Variants in KMT2C observed in about 807,000 individuals in gnomAD.
The protein encoded by KMT2C is lysine methyltransferase 2C.
KMT2C carries 88 observed loss-of-function variants against 507.9 expected under a neutral mutation model. The observed-to-expected ratio is 0.17, with a 90% CI of 0.15 to 0.21. The LOEUF is 0.21. Ranked by LOEUF, KMT2C falls within the 10% of genes least tolerant of loss-of-function variation. The pLI, the probability that KMT2C is intolerant of heterozygous loss-of-function variation, is 1.00. For synonymous variants in KMT2C, 2,049 were observed against 2,080.8 expected, an observed-to-expected ratio of 0.98 and a Z score of 0.42; for missense variants, 4,954 against 5,957.8, an observed-to-expected ratio of 0.83 and a Z score of 5.55.
At chr7:152,322,805 G>A (rs2096784234) in intron 3 of KMT2C, among the ~76,000 whole-genome samples, 1 of 151,870 alleles carries the variant, frequency 6.6e-6, no homozygotes, top group African/African-American at 2.4e-5. Context: ...AAATATATAT[G>A]GAACCCAAAT....
Position 152,181,099 on chromosome 7 carries a change from G to A in KMT2C, c.6761C>T (p.Ala2254Val). The A allele has an allele frequency of 6.2e-7, 1 of 1,614,188 alleles. No individual in the cohort carries two copies. ...AGGTAAAGCTGGTCCTCGGTTTTGT[G>A]CTGCTTGCAGGAAAGGATCCTGATT... The part of the protein sequence containing the change: ...MPNQDPFLQA[A>V]QNRGPALPGP... Residue 2254 changes from alanine (A) to valine (V), a missense_variant, in exon 36 of 59, where the codon GCA (alanine) becomes GTA (valine). By Grantham distance (64) the Ala-to-Val change is moderately conservative. This residue lies in a region of KMT2C where 1,689 missense variants were observed against 1,654.3 expected (regional missense o/e 1.02). Coordinates refer to ENST00000262189, the MANE Select transcript of KMT2C (RefSeq NM_170606.3).
intron 1 of KMT2C, among the ~76,000 whole-genome samples, chr7:152,413,937 C>G (rs959946043): frequency 6.6e-6 from 1 of 150,636 alleles, no homozygotes; most frequent in Admixed American, 6.6e-5. Context: ...TGAGGCCAGA[C>G]GCGATGGCTC....
Position 152,330,737 on chromosome 7 carries a change from T to C in KMT2C, c.253A>G (p.Ile85Val), listed in dbSNP as rs773944352. Reference sequence around the variant, plus strand: ...TCCTCTTCTGCAGATTGTTCTTTGATTTCTGCTTAACAGTAAACAAGAGAA... The same window carrying C: ...TCCTCTTCTGCAGATTGTTCTTTGACTTCTGCTTAACAGTAAACAAGAGAA... ...TETETIVETE[I>V]KEQSAEEDAE... Residue 85 changes from isoleucine (I) to valine (V), a missense_variant and splice_region_variant, in exon 3 of 59, where the codon ATC (isoleucine) becomes GTC (valine). Physicochemically the swap from Ile to Val is conservative, Grantham distance 29. Coordinates refer to ENST00000262189, the MANE Select transcript of KMT2C (RefSeq NM_170606.3). 2.5e-6 allele frequency: 4 copies of C among 1,613,778 alleles called. No homozygotes were observed. The highest frequency in any genetic ancestry group is 3.4e-6 in the Non-Finnish European group (4 of 1,179,894).
At chr7:152,197,153 A>C (rs1469076452) in intron 27 of KMT2C, among the ~76,000 whole-genome samples, 1 of 152,154 alleles carries the variant, frequency 6.6e-6, no homozygotes, top group African/African-American at 2.4e-5. Context: ...TGAGGTGATG[A>C]CAGCACCAGG....
At chr7:152,427,225 A>G (rs2097827654) in intron 1 of KMT2C, among the ~76,000 whole-genome samples, 1 of 152,226 alleles carries the variant, frequency 6.6e-6, no homozygotes, top group Non-Finnish European at 1.5e-5. Context: ...CATCTTGGCC[A>G]GGCTGGTCTT....
intron 3 of KMT2C, 77 bp from the exon 4 acceptor site, chr7:152,315,415 C>G (rs1004284848): frequency 9.8e-7 from 1 of 1,016,972 alleles, no homozygotes; most frequent in Non-Finnish European, 1.5e-6. Flanking sequence ...ACTATAGATA[C>G]TTGTGCTTTT....
chr7:152,250,552 T>A (rs2095547459), intron 12 of KMT2C, among the ~76,000 whole-genome samples: 1 of 152,136 alleles, frequency 6.6e-6, no homozygotes, highest in South Asian at 2.1e-4. Flanking sequence ...AAACATCTCA[T>A]CATCAGCAAC....
chr7:152,184,544 T>C (rs1306372357), intron 34 of KMT2C, among the ~76,000 whole-genome samples: 1 of 152,192 alleles, frequency 6.6e-6, no homozygotes, highest in East Asian at 1.9e-4. Context: ...TATTTCTCTT[T>C]CAAGATGCAC....
chr7:152,158,894 G>T lies in KMT2C; in HGVS notation c.11639C>A (p.Ser3880Tyr), dbSNP rs778118057. Residue 3880 changes from serine (S) to tyrosine (Y), a missense_variant, in exon 44 of 59, where the codon TCT (serine) becomes TAT (tyrosine). Coordinates refer to ENST00000262189, the MANE Select transcript of KMT2C (RefSeq NM_170606.3). ...KDEEEKQAMY[S>Y]STDTFTHLKQ... ...CAAGTGGGTAAACGTGTCAGTGCTA[G>T]AGTACATAGCTTGTTTCTCCTCTTC... The T allele has an allele frequency of 8.1e-6, 13 of 1,614,126 alleles. No individual in the cohort carries two copies. The highest frequency in any genetic ancestry group is 1.1e-5 in the Non-Finnish European group (13 of 1,179,982).
intron 37 of KMT2C, 41 bp from the exon 38 acceptor site, chr7:152,178,051 G>C (rs1488697995): frequency 6.2e-6 from 8 of 1,282,238 alleles, no homozygotes; most frequent in Non-Finnish European, 7.9e-6. Context: ...AAGCAAATAG[G>C]TATTATGTTA....
At chr7:152,430,115 CCA>C (rs1277021438) in intron 1 of KMT2C, among the ~76,000 whole-genome samples, 1 of 150,924 alleles carries the variant, frequency 6.6e-6, no homozygotes, top group Non-Finnish European at 1.5e-5. Flanking sequence ...AGGGCGGCAG[CCA>C]CAGTGAGCCA....
chr7:152,254,810 C>T (rs566492323), intron 9 of KMT2C, among the ~76,000 whole-genome samples: 1 of 151,806 alleles, frequency 6.6e-6, no homozygotes, highest in Non-Finnish European at 1.5e-5. Flanking sequence ...TTGGAACATC[C>T]TAGAAAATTG....
intron 3 of KMT2C, among the ~76,000 whole-genome samples, chr7:152,330,184 A>G (rs1013987015): frequency 6.9e-4 from 94 of 136,770 alleles, no homozygotes; most frequent in African/African-American, 2.7e-3. Context: ...GGGGGGAGAA[A>G]AAGAAAGAAA....
chr7:152,143,848 G>A (rs1324469618), intron 55 of KMT2C, among the ~76,000 whole-genome samples: 6 of 152,224 alleles, frequency 3.9e-5, no homozygotes, highest in Admixed American at 2.6e-4. Flanking sequence ...AAGGAACGCT[G>A]ATCCAGTTTA....
chr7:152,375,545 C>T (rs955956420), intron 1 of KMT2C, among the ~76,000 whole-genome samples: 2 of 150,758 alleles, frequency 1.3e-5, no homozygotes, highest in Non-Finnish European at 3.0e-5. Flanking sequence ...ACAACCACGC[C>T]CAGCTAATTT....
chr7:152,358,554 T>C (rs775234106), intron 2 of KMT2C, 33 bp downstream of exon 2: 34 of 1,285,002 alleles, frequency 2.6e-5, no homozygotes, highest in Non-Finnish European at 3.8e-5. Context: ...AAAGCATCAT[T>C]ATACATTCTT....
chr7:152,288,290 T>C (rs2096344057), intron 6 of KMT2C, among the ~76,000 whole-genome samples: 3 of 149,648 alleles, frequency 2.0e-5, no homozygotes, highest in East Asian at 2.0e-4. Context: ...TCCTAGCATT[T>C]TGGGAGGCCG....
chr7:152,393,052 G>A (rs2097512372), intron 1 of KMT2C, among the ~76,000 whole-genome samples: 1 of 152,100 alleles, frequency 6.6e-6, no homozygotes, highest in Non-Finnish European at 1.5e-5. Context: ...AGCCATGACT[G>A]CATCACTGCA....
chr7:152,249,673 CAAAAAAAAAAAAA>C (rs1183345172), intron 13 of KMT2C, among the ~76,000 whole-genome samples, 190 bp downstream of exon 13: 18 of 34,516 alleles, frequency 5.2e-4, no homozygotes, highest in Admixed American at 2.2e-3. Flanking sequence ...CTCCCCCCTC[CAAAAAAAAAAAAA>C]AAAAAAAAAA....
Sources: allele counts gnomAD v4.1 joint callset (sites outside exome capture counted in the v4.1 genomes callset), GRCh38; gene constraint gnomAD v4.1.1; regional missense constraint gnomAD v4.1.1; transcripts MANE v1.5; gene names NCBI Gene and HGNC (gene_info 2026-07-23, HGNC 2026-07-21).